PLXNA1: variants seen among roughly 807,000 people sequenced by gnomAD.
The protein encoded by PLXNA1 is plexin-A1.
A neutral mutation model predicts 191.7 loss-of-function variants in PLXNA1; 77 were observed. That is an observed-to-expected ratio of 0.40 (90% CI 0.33 to 0.49). PLXNA1 has a LOEUF of 0.49. Ranked by LOEUF, PLXNA1 falls within the 20% of genes least tolerant of loss-of-function variation. The probability of loss-of-function intolerance (pLI) is 0.63; values close to 1 mark genes in which losing one functional copy is unlikely to be tolerated. For missense variants in PLXNA1, 2,110 were observed against 2,660.2 expected, an observed-to-expected ratio of 0.79 and a Z score of 4.55; for synonymous variants, 1,137 against 1,156.4, an observed-to-expected ratio of 0.98 and a Z score of 0.34.
In PLXNA1 at chr3:127,007,751, C is replaced by T. The variant is rs538068469; in HGVS notation, c.1998-48C>T. 10 of 1,212,430 alleles carry T rather than the reference C, an allele frequency of 8.2e-6. No individual in the cohort carries two copies. In the South Asian group the frequency reaches 1.0e-4, roughly 12 times the overall value. 75.1% of individuals were successfully genotyped at this position (1,212,430 alleles called of 1,614,324 possible). Reference sequence around the variant, plus strand: ...GTGTCCTTCTGATCATGGGTGACTCCACGTGGTTGCGGGTCCCCAGGCTTC... The same window carrying T: ...GTGTCCTTCTGATCATGGGTGACTCTACGTGGTTGCGGGTCCCCAGGCTTC... On this transcript the variant is annotated intron_variant, in intron 8 of 31. Coordinates refer to ENST00000393409, the MANE Select transcript of PLXNA1 (RefSeq NM_032242.4).
chr3:127,021,998 A>AT, intron 21 of PLXNA1, 87 bp from the exon 22 acceptor site: 1 of 1,531,238 alleles, frequency 6.5e-7, no homozygotes, highest in Non-Finnish European at 8.8e-7. Flanking sequence ...CTGCCTCACC[A>AT]GCCAGGCCTG....
Position 127,028,038 on chromosome 3 carries a change from C to T in PLXNA1, c.4461C>T (p.Ser1487=). Residue 1487 remains serine, a synonymous_variant, in exon 24 of 32, where the codon TCC becomes TCT. Transcript: ENST00000393409. The part of the protein sequence containing the change: ...IDAITGEARY[S]LSEDKLIRQQ... ...CCATCACGGGTGAGGCACGCTACTC[C>T]CTGAGTGAGGACAAGCTCATCCGGC... 6.2e-7 allele frequency: 1 copy of T among 1,614,044 alleles called. No individual in the cohort carries two copies. The highest frequency in any genetic ancestry group is 8.5e-7 in the Non-Finnish European group (1 of 1,180,000).
chr3:127,011,081 A>T lies in PLXNA1; in HGVS notation c.2113-877A>T, dbSNP rs376868478. On this transcript the variant is annotated intron_variant, in intron 9 of 31. Coordinates refer to ENST00000393409, the MANE Select transcript of PLXNA1 (RefSeq NM_032242.4). Reference sequence around the variant, plus strand: ...CATGCAGAGTCACTGGGCGCGCCTCAGACTGCCAGGGAGGTACAGCATAGG... The same window carrying T: ...CATGCAGAGTCACTGGGCGCGCCTCTGACTGCCAGGGAGGTACAGCATAGG... Among the ~76,000 whole-genome samples, 53 of 152,314 alleles carry T rather than the reference A, an allele frequency of 3.5e-4. 1 individual carries two copies. In the South Asian group the frequency reaches 0.011, roughly 30 times the overall value.
chr3:127,015,199 C>T lies in PLXNA1; in HGVS notation c.2893C>T (p.Arg965Cys), dbSNP rs375569981. 6.8e-6 allele frequency: 11 copies of T among 1,612,446 alleles called. No homozygotes were observed. The highest frequency in any genetic ancestry group is 1.7e-4 in the Middle Eastern group (1 of 6,050). Reference sequence around the variant, plus strand: ...CTTCCTGCAGACACCAACCTTCTACCGTGTGAGCCCCTCCCGTGGGCCTCT... The same window carrying T: ...CTTCCTGCAGACACCAACCTTCTACTGTGTGAGCCCCTCCCGTGGGCCTCT... ...RFTFVTPTFY[R>C]VSPSRGPLSG... The change falls in exon 15 of 32, where the codon CGT becomes TGT. Residue 965 changes from arginine to cysteine, a missense_variant. Around this residue, in one of 4 missense-constraint regions of PLXNA1, gnomAD observed 644 missense variants for 714.3 expected, o/e 0.90. Coordinates refer to ENST00000393409, the MANE Select transcript of PLXNA1 (RefSeq NM_032242.4).
intron 28 of PLXNA1, 86 bp downstream of exon 28, chr3:127,030,150 C>T (rs2079201155): frequency 6.3e-7 from 1 of 1,587,118 alleles, no homozygotes; most frequent in Non-Finnish European, 8.6e-7. Context: ...GGGCCTCACC[C>T]CCATGCTCCC....
At chr3:126,988,321 AC>A (rs1000679968) in intron 1 of PLXNA1, among the ~76,000 whole-genome samples, 199 bp from the exon 2 acceptor site, 1 of 152,110 alleles carries the variant, frequency 6.6e-6, no homozygotes, top group Non-Finnish European at 1.5e-5. Flanking sequence ...TCCTGGGGAT[AC>A]CTGGTGCACC....
chr3:127,025,492 T>G (rs1423306028), intron 23 of PLXNA1, among the ~76,000 whole-genome samples: 1 of 152,254 alleles, frequency 6.6e-6, no homozygotes, highest in East Asian at 1.9e-4. Flanking sequence ...CATTTTTAAG[T>G]GCACAGTTGA....
intron 21 of PLXNA1, 140 bp downstream of exon 21, chr3:127,020,484 G>C: frequency 2.8e-6 from 3 of 1,080,946 alleles, no homozygotes; most frequent in Non-Finnish European, 3.9e-6. Flanking sequence ...AGGGCTCTGG[G>C]CTCAGCCAAG....
chr3:127,022,401 G>A, intron 22 of PLXNA1, 60 bp downstream of exon 22: 1 of 1,573,954 alleles, frequency 6.4e-7, no homozygotes, highest in South Asian at 1.1e-5. Flanking sequence ...CTTTGGACAG[G>A]TTGGTCTAGC....
intron 3 of PLXNA1, 37 bp downstream of exon 3, chr3:126,991,603 G>C (rs1325900595): frequency 6.5e-7 from 1 of 1,527,728 alleles, no homozygotes; most frequent in Non-Finnish European, 8.8e-7. Context: ...GAGGGGGCTT[G>C]GGGCAGGAAC....
chr3:127,015,881 CCCAGG>C lies in PLXNA1; in HGVS notation c.3014+566_3014+570del, dbSNP rs1384322735. On this transcript the variant is annotated intron_variant, in intron 15 of 31. Coordinates refer to ENST00000393409, the MANE Select transcript of PLXNA1 (RefSeq NM_032242.4). Reference sequence around the variant, plus strand: ...CAGTGGGGTGTCCCCGTGACCCCCACCCAGGCCAGCTCATCTAGTCTCCTCACAGC... The same window carrying C: ...CAGTGGGGTGTCCCCGTGACCCCCACCCAGCTCATCTAGTCTCCTCACAGC... Among the ~76,000 whole-genome samples, 6 of 152,266 alleles carry C rather than the reference CCCAGG, an allele frequency of 3.9e-5. No individual in the cohort carries two copies. In the East Asian group the frequency reaches 1.2e-3, roughly 29 times the overall value.
In PLXNA1 at chr3:127,017,407, C is replaced by A; in HGVS notation, c.3277-18C>A. The stretch of plus-strand genomic sequence containing the variant: ...ACTCGCGGAGGTCCCGCCCAGCATC[C>A]CCACCCTGTGTCTCCAGGGCTGCCT... On this transcript the variant is annotated intron_variant, in intron 17 of 31. Transcript: ENST00000393409. The A allele has an allele frequency of 6.2e-7, 1 of 1,608,820 alleles. No homozygotes were observed. Among genetic ancestry groups the A allele is most frequent in the Non-Finnish European group, 8.5e-7 (1 of 1,177,544 alleles).
In PLXNA1 at chr3:126,999,665, C is replaced by A. The variant is rs1028410801; in HGVS notation, c.1378-3665C>A. On this transcript the variant is annotated intron_variant, in intron 3 of 31. Transcript: ENST00000393409. ...GGCCGGGCCCTCAGCTGCCCGCCGG[C>A]AGCAGTTGGCCAGGGCTGTGGCGGT... 5.3e-5 allele frequency among the ~76,000 whole-genome samples: 8 copies of A among 152,342 alleles called. No homozygotes were observed. In the South Asian group the frequency reaches 8.3e-4, roughly 16 times the overall value.
chr3:127,005,565 T>C (rs2079063027), intron 7 of PLXNA1, among the ~76,000 whole-genome samples: 1 of 152,226 alleles, frequency 6.6e-6, no homozygotes, highest in African/African-American at 2.4e-5. Flanking sequence ...GCTACCATAA[T>C]TATTGCCATC....
intron 8 of PLXNA1, 133 bp from the exon 9 acceptor site, chr3:127,007,666 C>T: frequency 3.4e-6 from 2 of 585,484 alleles, no homozygotes; most frequent in South Asian, 2.3e-5. Flanking sequence ...CTTTCCAGGC[C>T]AGGAGCAGTC....
chr3:127,025,397 G>A (rs1220706162), intron 23 of PLXNA1, among the ~76,000 whole-genome samples: 1 of 152,106 alleles, frequency 6.6e-6, no homozygotes, highest in Non-Finnish European at 1.5e-5. Flanking sequence ...TTCATAGCTT[G>A]TTGCTCATTT....
chr3:127,028,381 A>C, intron 25 of PLXNA1, 41 bp downstream of exon 25: 2 of 1,584,700 alleles, frequency 1.3e-6, no homozygotes, highest in Non-Finnish European at 1.7e-6. Flanking sequence ...TGTGTGCTGG[A>C]GCAGAGGGGC....
Position 127,022,803 on chromosome 3 carries a change from G to C in PLXNA1, c.4347G>C (p.Leu1449Phe). 6.2e-7 allele frequency: 1 copy of C among 1,614,042 alleles called. No homozygotes were observed. The change falls in exon 23 of 32, where the codon TTG (leucine) becomes TTC (phenylalanine). Residue 1449 changes from leucine (L) to phenylalanine (F), a missense_variant. By Grantham distance (22) the Leu-to-Phe change is conservative. This residue lies in a region of PLXNA1 where 559 missense variants were observed against 911.5 expected (regional missense o/e 0.61). Coordinates refer to ENST00000393409, the MANE Select transcript of PLXNA1 (RefSeq NM_032242.4). The stretch of plus-strand genomic sequence containing the variant: ...TAACTAACTGGTTCACCTTCCTCTT[G>C]TATAAGTTCCTCAAGGTAAGCAGAG... Reference protein sequence around the residue: ...KMLTNWFTFLLYKFLKECAGE... With the variant: ...KMLTNWFTFLFYKFLKECAGE...
At chr3:127,022,693 C>A in intron 22 of PLXNA1, 59 bp from the exon 23 acceptor site, 1 of 1,479,714 alleles carries the variant, frequency 6.8e-7, no homozygotes, top group Non-Finnish European at 9.4e-7. Context: ...CCTGCAGGGG[C>A]CCTGTGCCTG....
Sources: allele counts gnomAD v4.1 joint callset (sites outside exome capture counted in the v4.1 genomes callset), GRCh38; gene constraint gnomAD v4.1.1; regional missense constraint gnomAD v4.1.1; transcripts MANE v1.5; gene names NCBI Gene and HGNC (gene_info 2026-07-23, HGNC 2026-07-21).